Variants in CARM1 observed in about 807,000 individuals in gnomAD.
The protein encoded by CARM1 is coactivator associated arginine methyltransferase 1.
Under a neutral mutation model 72.7 loss-of-function variants are expected in CARM1, and 14 were observed. That is an observed-to-expected ratio of 0.19 (90% CI 0.13 to 0.30). The LOEUF is 0.30. CARM1 is among the 10% of genes least tolerant of loss of function. The pLI is 1.00. For synonymous variants in CARM1, 333 were observed against 345.5 expected, an observed-to-expected ratio of 0.96 and a Z score of 0.40; for missense variants, 432 against 833.7, an observed-to-expected ratio of 0.52 and a Z score of 5.93.
chr19:10,874,920 A>C (rs989810579), intron 1 of CARM1, among the ~76,000 whole-genome samples: 1 of 151,810 alleles, frequency 6.6e-6, no homozygotes, highest in African/African-American at 2.4e-5. Flanking sequence ...GCTACTCCGG[A>C]GGATGAGGTG....
chr19:10,894,427 C>G (rs1247607767), intron 1 of CARM1, among the ~76,000 whole-genome samples: 1 of 152,068 alleles, frequency 6.6e-6, no homozygotes, highest in Non-Finnish European at 1.5e-5. Flanking sequence ...GTGTCTCCCT[C>G]TTTTTACCTA....
intron 1 of CARM1, among the ~76,000 whole-genome samples, chr19:10,898,061 T>G (rs74179956): frequency 0.21 from 31,734 of 150,602 alleles, 3,603 homozygotes; most frequent in Middle Eastern, 0.31. Flanking sequence ...TGAGCCAAGA[T>G]TGCGCCACTG....
chr19:10,916,877 TCTGCC>T lies in CARM1; in HGVS notation c.1020+105_1020+109del. On this transcript the variant is annotated intron_variant, in intron 8 of 15. Transcript: ENST00000327064. This position sits in a 1 kb window ranked among gnomAD's most constrained non-coding sequence, Gnocchi z 4.4. ...TACAGCCCCTCTCTGAGCCCTCTCCTCTGCCCTGCACAGCGCTCTCACAGAGATTT... is the reference window on the plus strand; with the variant it reads ...TACAGCCCCTCTCTGAGCCCTCTCCTCTGCACAGCGCTCTCACAGAGATTT... 1 of 872,802 alleles carries T rather than the reference TCTGCC, an allele frequency of 1.1e-6. No homozygotes were observed. The highest frequency in any genetic ancestry group is 1.8e-6 in the Non-Finnish European group (1 of 554,582). The allele number at this position is 872,802 out of a possible 1,614,324, so 54.1% of individuals were successfully genotyped here.
Position 10,912,095 on chromosome 19 carries a change from T to G in CARM1, c.559-89T>G. ...AACATTGAGAGTGAAGACAGACGCC[T>G]CATGATGTGCACATCCCTTATGATC... On this transcript the variant is annotated intron_variant, in intron 4 of 15. Coordinates refer to ENST00000327064, the MANE Select transcript of CARM1 (RefSeq NM_199141.2). The surrounding 1 kb of genome is among the most constrained non-coding windows in gnomAD (Gnocchi z 4.5). The G allele has an allele frequency of 1.1e-6, 1 of 934,136 alleles. No individual in the cohort carries two copies. The highest frequency in any genetic ancestry group is 1.8e-6 in the Non-Finnish European group (1 of 560,144). 57.9% of individuals were successfully genotyped at this position (934,136 alleles called of 1,614,324 possible). A position where few individuals can be genotyped will look rare whatever the true frequency, so the allele number is the denominator to read the frequency against.
At position 10,922,061 on chromosome 19, in the gene CARM1, T is replaced by G; in HGVS notation, c.*304T>G. ...TTGTCATCTGCTGGAACAGGCGCCA[T>G]GGGGCCTGCCAGCCCTGCCTGCCAG... On this transcript the variant is annotated 3_prime_UTR_variant, in exon 16 of 16. Coordinates refer to ENST00000327064, the MANE Select transcript of CARM1 (RefSeq NM_199141.2). 16 of 224,896 alleles carry G rather than the reference T, an allele frequency of 7.1e-5. No homozygotes were observed. Among genetic ancestry groups the G allele is most frequent in the East Asian group, 1.9e-4 (2 of 10,530 alleles). The allele number at this position is 224,896 out of a possible 1,614,324, so 13.9% of individuals were successfully genotyped here.
At chr19:10,903,248 A>G (rs910020981) in intron 1 of CARM1, among the ~76,000 whole-genome samples, 2 of 152,138 alleles carry the variant, frequency 1.3e-5, no homozygotes, top group African/African-American at 4.8e-5. Context: ...GTACCACTAC[A>G]CTGTTTTCAT....
intron 8 of CARM1, 127 bp from the exon 9 acceptor site, chr19:10,919,468 G>A: frequency 2.9e-6 from 2 of 690,926 alleles, no homozygotes; most frequent in East Asian, 2.5e-5. Flanking sequence ...GCGTGTCTGG[G>A]AAGAGCAAGC....
chr19:10,922,188 C>CA lies in CARM1; in HGVS notation c.*432dup, dbSNP rs1253586455. 6.3e-6 allele frequency: 1 copy of CA among 158,840 alleles called. No individual in the cohort carries two copies. Among genetic ancestry groups the CA allele is most frequent in the African/African-American group, 2.4e-5 (1 of 41,732 alleles). The allele number at this position is 158,840 out of a possible 1,614,324, so 9.8% of individuals were successfully genotyped here. A position where few individuals can be genotyped will look rare whatever the true frequency, so the allele number is the denominator to read the frequency against. ...CAGGCCTCGGTCACAACGGACGTGA[C>CA]ATGCTGCTTTTTTTAATTTTATTTT... On this transcript the variant is annotated 3_prime_UTR_variant, in exon 16 of 16. Transcript: ENST00000327064.
intron 1 of CARM1, among the ~76,000 whole-genome samples, chr19:10,875,569 C>G (rs192898119): frequency 6.6e-6 from 1 of 151,886 alleles, no homozygotes; most frequent in Non-Finnish European, 1.5e-5. Context: ...GGACTACAGG[C>G]GCCCGCCACC....
At position 10,916,886 on chromosome 19, in the gene CARM1, C is replaced by T; in HGVS notation, c.1020+109C>T. On this transcript the variant is annotated intron_variant, in intron 8 of 15. Transcript: ENST00000327064. The surrounding 1 kb of genome is among the most constrained non-coding windows in gnomAD (Gnocchi z 4.4). ...TCTCTGAGCCCTCTCCTCTGCCCTG[C>T]ACAGCGCTCTCACAGAGATTTGGGC... The T allele has an allele frequency of 2.6e-6, 2 of 778,504 alleles. No individual in the cohort carries two copies. Among genetic ancestry groups the T allele is most frequent in the South Asian group, 1.8e-5 (1 of 55,576 alleles). 48.2% of individuals were successfully genotyped at this position (778,504 alleles called of 1,614,324 possible). A position where few individuals can be genotyped will look rare whatever the true frequency, so the allele number is the denominator to read the frequency against.
intron 1 of CARM1, among the ~76,000 whole-genome samples, chr19:10,876,706 C>T (rs1046378533): frequency 6.6e-6 from 1 of 152,248 alleles, no homozygotes; most frequent in Admixed American, 6.5e-5. Context: ...AGGGGGAGGC[C>T]CTTTGGCGTG....
chr19:10,916,912 CAA>C lies in CARM1; in HGVS notation c.1020+138_1020+139del. ...ACAGCGCTCTCACAGAGATTTGGGCCAAAAGTGTCAATGCATGTAGACACTTA... is the reference window on the plus strand; with the variant it reads ...ACAGCGCTCTCACAGAGATTTGGGCCAAGTGTCAATGCATGTAGACACTTA... On this transcript the variant is annotated intron_variant, in intron 8 of 15. Coordinates refer to ENST00000327064, the MANE Select transcript of CARM1 (RefSeq NM_199141.2). This position sits in a 1 kb window ranked among gnomAD's most constrained non-coding sequence, Gnocchi z 4.4. The C allele has an allele frequency of 1.6e-6, 1 of 630,246 alleles. No individual in the cohort carries two copies. Among genetic ancestry groups the C allele is most frequent in the Non-Finnish European group, 2.8e-6 (1 of 359,308 alleles). The allele number at this position is 630,246 out of a possible 1,614,324, so 39.0% of individuals were successfully genotyped here. A position where few individuals can be genotyped will look rare whatever the true frequency, so the allele number is the denominator to read the frequency against.
intron 2 of CARM1, among the ~76,000 whole-genome samples, chr19:10,905,729 C>T (rs573825046): frequency 1.9e-4 from 29 of 152,218 alleles, no homozygotes; most frequent in Non-Finnish European, 3.1e-4. Context: ...TCCCCCTTGT[C>T]TCAAGGTAGC....
chr19:10,873,830 G>A (rs914847586), intron 1 of CARM1, among the ~76,000 whole-genome samples: 9 of 151,288 alleles, frequency 5.9e-5, no homozygotes, highest in Admixed American at 1.3e-4. Flanking sequence ...TAGTAGAGAC[G>A]GGGTTTCACC....
chr19:10,879,850 A>G (rs2073888907), intron 1 of CARM1, among the ~76,000 whole-genome samples: 1 of 152,116 alleles, frequency 6.6e-6, no homozygotes, highest in South Asian at 2.1e-4. Context: ...CCTGACCTCA[A>G]GTGATCCATC....
intron 8 of CARM1, among the ~76,000 whole-genome samples, chr19:10,918,011 G>A (rs369419055): frequency 2.0e-4 from 30 of 151,954 alleles, no homozygotes; most frequent in East Asian, 1.4e-3. Context: ...CATGCCCAGC[G>A]TGTTCAGTCT....
intron 1 of CARM1, among the ~76,000 whole-genome samples, chr19:10,895,408 G>A (rs2074017016): frequency 6.6e-6 from 1 of 152,208 alleles, no homozygotes; most frequent in Non-Finnish European, 1.5e-5. Flanking sequence ...CCTGGCCTAG[G>A]GATGGGAGGT....
intron 1 of CARM1, among the ~76,000 whole-genome samples, chr19:10,888,034 T>C (rs1430045358): frequency 6.6e-6 from 1 of 152,224 alleles, no homozygotes; most frequent in African/African-American, 2.4e-5. Flanking sequence ...TGGGGTCTTC[T>C]TGCCGCTCCA....
At position 10,916,613 on chromosome 19, in the gene CARM1, G is replaced by GC. The variant is rs1283956271; in HGVS notation, c.939-82dup. The GC allele has an allele frequency of 7.1e-7, 1 of 1,405,080 alleles. No homozygotes were observed. Among genetic ancestry groups the GC allele is most frequent in the African/African-American group, 1.4e-5 (1 of 70,586 alleles). The allele number at this position is 1,405,080 out of a possible 1,614,324, so 87.0% of individuals were successfully genotyped here. Reference sequence around the variant, plus strand: ...TCTGAAAGACTTGGGCTAGATGAGGGCTGACTGGGAGAGAAGGCAGGGCTA... The same window carrying GC: ...TCTGAAAGACTTGGGCTAGATGAGGGCCTGACTGGGAGAGAAGGCAGGGCTA... On this transcript the variant is annotated intron_variant, in intron 7 of 15. Transcript: ENST00000327064. This position sits in a 1 kb window ranked among gnomAD's most constrained non-coding sequence, Gnocchi z 4.4.
Sources: allele counts gnomAD v4.1 joint callset (sites outside exome capture counted in the v4.1 genomes callset), GRCh38; gene constraint gnomAD v4.1.1; non-coding constraint Gnocchi (gnomAD v3.1); transcripts MANE v1.5; gene names NCBI Gene and HGNC (gene_info 2026-07-23, HGNC 2026-07-21).